PTPRM: variants seen among roughly 807,000 people sequenced by gnomAD.
The protein encoded by PTPRM is protein tyrosine phosphatase receptor type M, also known as receptor-type tyrosine-protein phosphatase mu.
Under a neutral mutation model 186.7 loss-of-function variants are expected in PTPRM, and 47 were observed. That is an observed-to-expected ratio of 0.25 (90% CI 0.20 to 0.32). The LOEUF is 0.32. PTPRM is among the 10% of genes least tolerant of loss of function. PTPRM has a pLI of 1.00. For missense variants in PTPRM, 1,494 were observed against 1,865.0 expected, an observed-to-expected ratio of 0.80 and a Z score of 3.66; for synonymous variants, 668 against 674.9, an observed-to-expected ratio of 0.99 and a Z score of 0.16.
chr18:7,853,379 G>C (rs2046956495), intron 2 of PTPRM, among the ~76,000 whole-genome samples: 1 of 152,186 alleles, frequency 6.6e-6, no homozygotes, highest in African/African-American at 2.4e-5. Context: ...GGTGGAGTTG[G>C]TGCTAGGTGT....
rs528716433 is a variant in PTPRM, at chr18:7,631,171, T to A, written c.73+63280T>A. On this transcript the variant is annotated intron_variant, in intron 1 of 32. Coordinates refer to ENST00000580170, the MANE Select transcript of PTPRM (RefSeq NM_001105244.2). ...AAGTCATGAGATTACAAAGTAATCT[T>A]GAATCCAATCCTCTGTAATTTTAAC... 3.4e-3 allele frequency among the ~76,000 whole-genome samples: 513 copies of A among 152,336 alleles called. 3 individuals carry two copies. The highest frequency in any genetic ancestry group is 0.011 in the African/African-American group (472 of 41,582).
chr18:7,567,552 C>T lies in PTPRM; in HGVS notation c.-267C>T, dbSNP rs2036455397. On this transcript the variant is annotated 5_prime_UTR_variant, in exon 1 of 33. Coordinates refer to ENST00000580170, the MANE Select transcript of PTPRM (RefSeq NM_001105244.2). This position sits in a 1 kb window ranked among gnomAD's most constrained non-coding sequence, Gnocchi z 4.3. ...GAACCGAGGGAAGATTTTGGCTCCG[C>T]GGGCTCGCCCTCCGCTCCCTCTGCC... The T allele has an allele frequency of 5.5e-6, 2 of 364,832 alleles. No individual in the cohort carries two copies. The highest frequency in any genetic ancestry group is 2.5e-4 in the South Asian group (2 of 7,886). The allele number at this position is 364,832 out of a possible 1,614,324, so 22.6% of individuals were successfully genotyped here. A position where few individuals can be genotyped will look rare whatever the true frequency, so the allele number is the denominator to read the frequency against.
intron 14 of PTPRM, among the ~76,000 whole-genome samples, chr18:8,229,281 G>A (rs1369429189): frequency 6.6e-6 from 1 of 152,042 alleles, no homozygotes; most frequent in African/African-American, 2.4e-5. Context: ...GTTTGCCCAG[G>A]AGCATAGTAA....
At chr18:7,962,379 A>T (rs2147190789) in intron 7 of PTPRM, among the ~76,000 whole-genome samples, 1 of 152,312 alleles carries the variant, frequency 6.6e-6, no homozygotes, top group African/African-American at 2.4e-5. Context: ...TACTAAATAC[A>T]AATTTACGGT....
intron 2 of PTPRM, among the ~76,000 whole-genome samples, chr18:7,838,137 C>T (rs1025307404): frequency 1.3e-5 from 2 of 152,142 alleles, no homozygotes; most frequent in Middle Eastern, 3.2e-3. Context: ...GTACACATGG[C>T]TGGGGAGGCC....
rs910190505 is a variant in PTPRM at position 7,700,052 on chromosome 18, G to C, written c.74-74097G>C. On this transcript the variant is annotated intron_variant, in intron 1 of 32. Transcript: ENST00000580170. ...AAAACTATAATGAGGACTTCTAGAA[G>C]TTTGTATGTGTCACAAGTTTTGTTT... Among the ~76,000 whole-genome samples, 6 of 152,266 alleles carry C rather than the reference G, an allele frequency of 3.9e-5. No homozygotes were observed. In the East Asian group the frequency reaches 1.2e-3, roughly 29 times the overall value.
chr18:7,594,081 T>C (rs577939535), intron 1 of PTPRM, among the ~76,000 whole-genome samples: 1 of 152,316 alleles, frequency 6.6e-6, no homozygotes, highest in East Asian at 1.9e-4. Flanking sequence ...CCCAGTCAAG[T>C]TTCTGTTGAT....
intron 2 of PTPRM, among the ~76,000 whole-genome samples, chr18:7,810,677 A>G (rs2044465819): frequency 6.6e-6 from 1 of 152,136 alleles, no homozygotes; most frequent in Admixed American, 6.5e-5. Context: ...CTGTCTGTGA[A>G]GTTTGCAGGG....
At chr18:8,077,970 A>G (rs1311480701) in intron 9 of PTPRM, among the ~76,000 whole-genome samples, 3 of 152,220 alleles carry the variant, frequency 2.0e-5, no homozygotes, top group Non-Finnish European at 4.4e-5. Flanking sequence ...AGGACTACCC[A>G]GTTGAACACT....
intron 1 of PTPRM, among the ~76,000 whole-genome samples, chr18:7,760,148 G>T (rs1237638444): frequency 6.6e-6 from 1 of 152,076 alleles, no homozygotes. Context: ...TTTTGCTTTA[G>T]CATTGAGCTT....
In PTPRM at chr18:8,114,437, G is replaced by A. The variant is rs138140220; in HGVS notation, c.2131-354G>A. 2.5e-3 allele frequency among the ~76,000 whole-genome samples: 383 copies of A among 152,196 alleles called. 2 individuals are homozygous for A. Among genetic ancestry groups the A allele is most frequent in the African/African-American group, 8.5e-3 (352 of 41,522 alleles). On this transcript the variant is annotated intron_variant, in intron 12 of 32. Transcript: ENST00000580170. ...CAACTTGACTTTTGCCGGTGTAAAGGGGGGAAATCTGAGATGCATCATGCT... is the reference window on the plus strand; with the variant it reads ...CAACTTGACTTTTGCCGGTGTAAAGAGGGGAAATCTGAGATGCATCATGCT...
intron 23 of PTPRM, among the ~76,000 whole-genome samples, chr18:8,367,865 C>G (rs542203325): frequency 6.6e-6 from 1 of 152,302 alleles, no homozygotes; most frequent in African/African-American, 2.4e-5. Context: ...AAATGGAAGA[C>G]TAGGTGACCA....
intron 1 of PTPRM, among the ~76,000 whole-genome samples, chr18:7,707,020 C>T (rs1434996027): frequency 1.3e-5 from 2 of 151,976 alleles, no homozygotes; most frequent in African/African-American, 2.4e-5. Flanking sequence ...ACATTTAAGG[C>T]AGTCATTTTT....
At chr18:7,673,973 G>A (rs1470198681) in intron 1 of PTPRM, among the ~76,000 whole-genome samples, 11 of 152,140 alleles carry the variant, frequency 7.2e-5, no homozygotes, top group Non-Finnish European at 1.0e-4. Context: ...AAGAGTACAC[G>A]CAGCTCTTCT....
At chr18:7,978,322 G>A (rs2055096874) in intron 7 of PTPRM, among the ~76,000 whole-genome samples, 2 of 151,996 alleles carry the variant, frequency 1.3e-5, no homozygotes, top group African/African-American at 2.4e-5. Context: ...TTATCTGCCA[G>A]GGTCATTTAG....
rs984137374 is a variant in PTPRM at position 8,055,172 on chromosome 18, G to A, written c.1133-14514G>A. On this transcript the variant is annotated intron_variant, in intron 7 of 32. Coordinates refer to ENST00000580170, the MANE Select transcript of PTPRM (RefSeq NM_001105244.2). Reference sequence around the variant, plus strand: ...CTGTATCTTTTGACTGATATCTCTTGTCAATTCTGGAAATTTCTCAGACAT... The same window carrying A: ...CTGTATCTTTTGACTGATATCTCTTATCAATTCTGGAAATTTCTCAGACAT... Among the ~76,000 whole-genome samples, 3 of 151,918 alleles carry A rather than the reference G, an allele frequency of 2.0e-5. No homozygotes were observed. The East Asian group carries it at 5.8e-4, about 29-fold the overall frequency.
At chr18:7,597,362 A>G (rs1370470692) in intron 1 of PTPRM, among the ~76,000 whole-genome samples, 1 of 152,142 alleles carries the variant, frequency 6.6e-6, no homozygotes, top group Admixed American at 6.5e-5. Context: ...GCTGGGTCTC[A>G]GACTTGGATG....
At chr18:8,307,850 G>A (rs527802197) in intron 20 of PTPRM, among the ~76,000 whole-genome samples, 6 of 151,852 alleles carry the variant, frequency 4.0e-5, no homozygotes, top group Admixed American at 2.6e-4. Flanking sequence ...TAGAGTCACC[G>A]TCACTCCTGC....
chr18:8,312,317 T>A (rs2095275297), intron 20 of PTPRM, among the ~76,000 whole-genome samples: 1 of 151,938 alleles, frequency 6.6e-6, no homozygotes, highest in South Asian at 2.1e-4. Context: ...CCCCCAACAG[T>A]GGAAAACATA....
Sources: gnomAD v4.1 joint callset for allele counts (sites outside exome capture counted in the v4.1 genomes callset) on GRCh38, gnomAD v4.1.1 for gene constraint, Gnocchi (gnomAD v3.1) non-coding constraint, MANE v1.5 for transcripts, NCBI Gene and HGNC (gene_info 2026-07-23, HGNC 2026-07-21) for gene names.